Variants in B3GALT1 observed in about 807,000 individuals in gnomAD.
B3GALT1 encodes UDP-Gal:betaGlcNAc beta 1,3-galactosyltransferase, polypeptide 1.
Under a neutral mutation model 23.2 loss-of-function variants are expected in B3GALT1, and 10 were observed. The ratio of observed to expected loss-of-function variants is 0.43; its 90% confidence interval spans 0.27 to 0.73. The LOEUF (loss-of-function observed/expected upper bound fraction) is 0.73. Ranked by LOEUF, B3GALT1 falls within the 30% of genes least tolerant of loss-of-function variation. B3GALT1 has a pLI of 0.21. For synonymous variants in B3GALT1, 156 were observed against 141.5 expected, an observed-to-expected ratio of 1.10 and a Z score of -0.73; for missense variants, 299 against 405.4, an observed-to-expected ratio of 0.74 and a Z score of 2.25.
intron 4 of B3GALT1, among the ~76,000 whole-genome samples, chr2:167,823,983 G>A (rs1285818571): frequency 6.6e-6 from 1 of 152,258 alleles, no homozygotes; most frequent in Non-Finnish European, 1.5e-5. Context: ...CTATGAGATT[G>A]TGTAATAAAG....
chr2:167,419,187 T>G (rs1463208039), intron 1 of B3GALT1, among the ~76,000 whole-genome samples: 1 of 152,220 alleles, frequency 6.6e-6, no homozygotes, highest in Non-Finnish European at 1.5e-5. Context: ...AATAAAGAAC[T>G]GGCAAATAAG....
At chr2:167,362,930 A>G (rs1193541713) in intron 1 of B3GALT1, among the ~76,000 whole-genome samples, 1 of 152,104 alleles carries the variant, frequency 6.6e-6, no homozygotes, top group Non-Finnish European at 1.5e-5. Context: ...AGCTCGGCTC[A>G]CTGCAACCTC....
At chr2:167,736,338 T>C (rs1219897104) in intron 3 of B3GALT1, among the ~76,000 whole-genome samples, 1 of 152,178 alleles carries the variant, frequency 6.6e-6, no homozygotes, top group Non-Finnish European at 1.5e-5. Flanking sequence ...ACTGAAAGGC[T>C]ATGTCAAAAG....
chr2:167,393,022 C>G (rs938183081), intron 1 of B3GALT1, among the ~76,000 whole-genome samples: 1 of 152,038 alleles, frequency 6.6e-6, no homozygotes, highest in Admixed American at 6.6e-5. Flanking sequence ...ATCACGAAGT[C>G]AGCAGATCAA....
In B3GALT1 at chr2:167,806,151, C is replaced by A. The variant is rs771136137; in HGVS notation, c.-351-12521C>A. Among the ~76,000 whole-genome samples, 112 of 152,052 alleles carry A rather than the reference C, an allele frequency of 7.4e-4. 1 individual carries two copies. The highest frequency in any genetic ancestry group is 3.4e-3 in the Middle Eastern group (1 of 294). Reference sequence around the variant, plus strand: ...GTTTGTCTGTTATTGGTGTATAAGACTGCTTGTGATTTTTGTACATTGATT... The same window carrying A: ...GTTTGTCTGTTATTGGTGTATAAGAATGCTTGTGATTTTTGTACATTGATT... On this transcript the variant is annotated intron_variant, in intron 3 of 4. Transcript: ENST00000392690.
At chr2:167,493,454 A>G (rs1699737317) in intron 2 of B3GALT1, among the ~76,000 whole-genome samples, 1 of 152,190 alleles carries the variant, frequency 6.6e-6, no homozygotes, top group Non-Finnish European at 1.5e-5. Flanking sequence ...AAGCTTTATA[A>G]TTTAAGAAAA....
At chr2:167,772,301 T>C (rs951944923) in intron 3 of B3GALT1, among the ~76,000 whole-genome samples, 1 of 152,314 alleles carries the variant, frequency 6.6e-6, no homozygotes, top group Non-Finnish European at 1.5e-5. Flanking sequence ...TGCTATTTAT[T>C]AAGTGCATGC....
intron 4 of B3GALT1, among the ~76,000 whole-genome samples, chr2:167,864,004 G>A (rs1389175126): frequency 2.6e-5 from 4 of 151,474 alleles, no homozygotes; most frequent in East Asian, 1.9e-4. Flanking sequence ...GTGTGTGTGT[G>A]TGTGTGTGTG....
chr2:167,352,677 C>T (rs928257623), intron 1 of B3GALT1, among the ~76,000 whole-genome samples: 7 of 151,640 alleles, frequency 4.6e-5, no homozygotes, highest in East Asian at 2.0e-4. Context: ...GCCAAGATCA[C>T]GCCACTGCAC....
At chr2:167,549,165 ATGTT>A (rs1683702484) in intron 2 of B3GALT1, among the ~76,000 whole-genome samples, 7 of 152,328 alleles carry the variant, frequency 4.6e-5, no homozygotes, top group Admixed American at 3.3e-4. Flanking sequence ...TGAATTATCA[ATGTT>A]TGTTAGCTAT....
chr2:167,364,501 A>G (rs1214866441), intron 1 of B3GALT1, among the ~76,000 whole-genome samples: 1 of 151,910 alleles, frequency 6.6e-6, no homozygotes, highest in Admixed American at 6.6e-5. Flanking sequence ...CCCCCACCCC[A>G]CAACAGGCCC....
At chr2:167,818,015 TGC>T (rs923712379) in intron 3 of B3GALT1, among the ~76,000 whole-genome samples, 2 of 152,184 alleles carry the variant, frequency 1.3e-5, no homozygotes, top group African/African-American at 4.8e-5. Context: ...CAAATGTCTT[TGC>T]CCAAAGGCAG....
intron 3 of B3GALT1, among the ~76,000 whole-genome samples, chr2:167,665,878 G>T (rs550738668): frequency 2.0e-5 from 3 of 148,992 alleles, no homozygotes; most frequent in South Asian, 4.2e-4. Context: ...TCTTGCTAGT[G>T]GTCTATCAAT....
chr2:167,810,598 A>G (rs757071054), intron 3 of B3GALT1, among the ~76,000 whole-genome samples: 1 of 150,966 alleles, frequency 6.6e-6, no homozygotes, highest in African/African-American at 2.5e-5. Context: ...TTTTACTCCA[A>G]CATTGACCAT....
At chr2:167,312,660 CAG>C (rs1310716816) in intron 1 of B3GALT1, among the ~76,000 whole-genome samples, 44 of 152,118 alleles carry the variant, frequency 2.9e-4, no homozygotes, top group Admixed American at 2.8e-3. Context: ...TATAGACTGT[CAG>C]ATTGCATTTT....
intron 2 of B3GALT1, among the ~76,000 whole-genome samples, chr2:167,603,208 T>C (rs1684904586): frequency 6.6e-6 from 1 of 152,174 alleles, no homozygotes. Context: ...TCATGTTTCA[T>C]GTGACTTCTC....
At chr2:167,651,969 C>T (rs1325516066) in intron 3 of B3GALT1, among the ~76,000 whole-genome samples, 1 of 151,794 alleles carries the variant, frequency 6.6e-6, no homozygotes, top group East Asian at 1.9e-4. Flanking sequence ...TGCCCCAGCA[C>T]ACCCCACACC....
chr2:167,695,321 G>A (rs1014552445), intron 3 of B3GALT1, among the ~76,000 whole-genome samples: 5 of 152,016 alleles, frequency 3.3e-5, no homozygotes, highest in African/African-American at 1.2e-4. Flanking sequence ...CATTCCCCAA[G>A]TGATTAATTA....
intron 2 of B3GALT1, among the ~76,000 whole-genome samples, chr2:167,642,847 A>AT (rs1685679059): frequency 6.6e-6 from 1 of 152,208 alleles, no homozygotes; most frequent in Admixed American, 6.5e-5. Flanking sequence ...CACTTAAAAC[A>AT]TTGGCTAATA....
Sources: allele counts gnomAD v4.1 joint callset (sites outside exome capture counted in the v4.1 genomes callset), GRCh38; gene constraint gnomAD v4.1.1; transcripts MANE v1.5; gene names NCBI Gene and HGNC (gene_info 2026-07-23, HGNC 2026-07-21).